The following AKAP6 variants were observed in gnomAD, a reference collection of about 807,000 sequenced individuals.
AKAP6 encodes the protein A-kinase anchoring protein 6.
AKAP6 carries 58 observed loss-of-function variants against 188.5 expected under a neutral mutation model. The observed-to-expected ratio is 0.31, with a 90% CI of 0.25 to 0.38. The LOEUF (loss-of-function observed/expected upper bound fraction) is 0.38. Among genes scored for constraint, AKAP6 ranks in the 10% least tolerant of loss-of-function variants. AKAP6 has a pLI of 1.00. For missense variants in AKAP6, 2,710 were observed against 2,740.0 expected (o/e 0.99, Z 0.24); for synonymous variants, 989 against 998.6 (o/e 0.99, Z 0.18).
At chr14:32,425,427 A>C (rs1051845366) in intron 1 of AKAP6, among the ~76,000 whole-genome samples, 1 of 152,060 alleles carries the variant, frequency 6.6e-6, no homozygotes, top group African/African-American at 2.4e-5. Flanking sequence ...CTGTCTCTCC[A>C]AAAATCACAA....
chr14:32,796,748 G>A (rs1015146428), intron 12 of AKAP6, among the ~76,000 whole-genome samples: 2 of 152,028 alleles, frequency 1.3e-5, no homozygotes, highest in Non-Finnish European at 2.9e-5. Context: ...CATGGGTAAT[G>A]ATTTCGTCAA....
chr14:32,807,633 T>C (rs1163656311), intron 12 of AKAP6, among the ~76,000 whole-genome samples: 8 of 152,222 alleles, frequency 5.3e-5, no homozygotes, highest in Non-Finnish European at 8.8e-5. Flanking sequence ...AATAATGGTT[T>C]CTTCTTGTGT....
At chr14:32,776,578 G>C (rs921913669) in intron 12 of AKAP6, among the ~76,000 whole-genome samples, 2 of 152,212 alleles carry the variant, frequency 1.3e-5, no homozygotes, top group Non-Finnish European at 2.9e-5. Flanking sequence ...GGAAATACTT[G>C]CACATAGTAG....
At chr14:32,630,766 T>C (rs1264892279) in intron 7 of AKAP6, among the ~76,000 whole-genome samples, 3 of 152,120 alleles carry the variant, frequency 2.0e-5, no homozygotes, top group African/African-American at 7.2e-5. Flanking sequence ...TTTTAAATAA[T>C]TTATTTTTCT....
chr14:32,463,174 C>T (rs61982961), intron 2 of AKAP6, among the ~76,000 whole-genome samples: 17,924 of 151,890 alleles, frequency 0.12, 1,199 homozygotes, highest in South Asian at 0.21. Context: ...ACCTCACTGT[C>T]GATATTAAAT....
intron 12 of AKAP6, among the ~76,000 whole-genome samples, chr14:32,816,733 G>C (rs988013568): frequency 6.6e-6 from 1 of 151,968 alleles, no homozygotes; most frequent in South Asian, 2.1e-4. Flanking sequence ...TTTCACCCTG[G>C]GGTAAATATG....
chr14:32,463,054 T>C (rs1891406912), intron 2 of AKAP6, among the ~76,000 whole-genome samples: 1 of 149,232 alleles, frequency 6.7e-6, no homozygotes, highest in Non-Finnish European at 1.5e-5. Flanking sequence ...GAGGTAACTA[T>C]GCTAAACATA....
At chr14:32,436,762 C>T (rs1351688186) in intron 2 of AKAP6, among the ~76,000 whole-genome samples, 1 of 152,028 alleles carries the variant, frequency 6.6e-6, no homozygotes, top group Non-Finnish European at 1.5e-5. Context: ...CATGGTGAAA[C>T]CCTGTCTCTA....
intron 4 of AKAP6, among the ~76,000 whole-genome samples, chr14:32,573,755 A>T (rs536291441): frequency 1.3e-5 from 2 of 152,264 alleles, no homozygotes; most frequent in Middle Eastern, 3.4e-3. Flanking sequence ...TTCGTATGTC[A>T]TCCTTATTTT....
At chr14:32,562,307 T>C (rs1214646553) in intron 4 of AKAP6, among the ~76,000 whole-genome samples, 1 of 152,174 alleles carries the variant, frequency 6.6e-6, no homozygotes, top group Admixed American at 6.5e-5. Flanking sequence ...AAGGCGTATG[T>C]GTGTGTGGGT....
At chr14:32,542,697 A>G (rs550532322) in intron 3 of AKAP6, among the ~76,000 whole-genome samples, 2 of 152,302 alleles carry the variant, frequency 1.3e-5, no homozygotes, top group South Asian at 4.1e-4. Context: ...TATTTTCAGA[A>G]AGTGAAAGCA....
chr14:32,664,597 A>C (rs144341502), intron 7 of AKAP6, among the ~76,000 whole-genome samples: 1 of 152,244 alleles, frequency 6.6e-6, no homozygotes, highest in Non-Finnish European at 1.5e-5. Flanking sequence ...TATTTGTGAT[A>C]ATTGTTATTC....
At chr14:32,735,238 T>G (rs2031359600) in intron 10 of AKAP6, among the ~76,000 whole-genome samples, 1 of 152,180 alleles carries the variant, frequency 6.6e-6, no homozygotes, top group Non-Finnish European at 1.5e-5. Context: ...TTATTAAACT[T>G]ACATCTCCTG....
chr14:32,499,328 C>CAAAAAAAAAA (rs71432061), intron 2 of AKAP6, among the ~76,000 whole-genome samples: 8 of 111,030 alleles, frequency 7.2e-5, no homozygotes, highest in Admixed American at 9.7e-5. Flanking sequence ...AGTGTAACAG[C>CAAAAAAAAAA]AAAAAAAAAA....
intron 1 of AKAP6, among the ~76,000 whole-genome samples, chr14:32,409,031 C>T (rs1889390177): frequency 6.6e-6 from 1 of 152,066 alleles, no homozygotes; most frequent in African/African-American, 2.4e-5. Flanking sequence ...GAAACCCTGT[C>T]TCTACTAAAA....
chr14:32,549,569 C>T (rs1196739226), intron 4 of AKAP6, among the ~76,000 whole-genome samples: 1 of 152,150 alleles, frequency 6.6e-6, no homozygotes, highest in South Asian at 2.1e-4. Flanking sequence ...CACGCCAAGG[C>T]AATTAGAATT....
rs74319111 is a variant in AKAP6 at position 32,623,799 on chromosome 14, A to G, written c.2730+23007A>G. 3.9e-3 allele frequency among the ~76,000 whole-genome samples: 589 copies of G among 152,268 alleles called. 2 individuals carry two copies. The highest frequency in any genetic ancestry group is 0.013 in the African/African-American group (549 of 41,566). On this transcript the variant is annotated intron_variant, in intron 7 of 13. Coordinates refer to ENST00000280979, the MANE Select transcript of AKAP6 (RefSeq NM_004274.5). ...TTCATAAAGCCGTATTCCTTGTCCT[A>G]ATAATTTTCATATCTTTGTCTCCTA...
At chr14:32,659,695 T>A (rs1171848322) in intron 7 of AKAP6, among the ~76,000 whole-genome samples, 1 of 152,082 alleles carries the variant, frequency 6.6e-6, no homozygotes, top group African/African-American at 2.4e-5. Context: ...ACATCTAGCA[T>A]AATGATGGTT....
At position 32,468,350 on chromosome 14, in the gene AKAP6, A is replaced by G. The variant is rs564497383; in HGVS notation, c.324+34533A>G. ...TGTGGGACTTAGTTTTCATCCCTGG[A>G]TGACTTGCTTTCTATATCTGTGAAG... On this transcript the variant is annotated intron_variant, in intron 2 of 13. Transcript: ENST00000280979. Among the ~76,000 whole-genome samples the G allele has an allele frequency of 5.3e-5, 8 of 152,252 alleles. No individual in the cohort carries two copies. The South Asian group carries it at 1.7e-3, about 32-fold the overall frequency.
Sources: gnomAD v4.1 joint callset for allele counts (sites outside exome capture counted in the v4.1 genomes callset) on GRCh38, gnomAD v4.1.1 for gene constraint, MANE v1.5 for transcripts, NCBI Gene and HGNC (gene_info 2026-07-23, HGNC 2026-07-21) for gene names.